BRF1: variants seen among roughly 807,000 people sequenced by gnomAD.
BRF1 encodes BRF1 general transcription factor IIIB subunit.
In BRF1, 59 loss-of-function variants were observed where a neutral mutation model predicts 81.7. That is an observed-to-expected ratio of 0.72 (90% CI 0.59 to 0.90). BRF1 has a LOEUF of 0.90. BRF1 is among the 40% of genes least tolerant of loss of function. The pLI is 0.00. For missense variants in BRF1, 1,050 were observed against 936.3 expected (o/e 1.12, Z -1.58); for synonymous variants, 491 against 395.6 (o/e 1.24, Z -2.86).
At chr14:105,258,640 A>C (rs2056005000) in intron 3 of BRF1, among the ~76,000 whole-genome samples, 1 of 151,530 alleles carries the variant, frequency 6.6e-6, no homozygotes, top group Non-Finnish European at 1.5e-5. Flanking sequence ...TCTACTAAAA[A>C]TACAAAAATT....
At chr14:105,247,780 T>G in intron 5 of BRF1, 1 of 985,556 alleles carries the variant, frequency 1.0e-6, no homozygotes, top group Non-Finnish European at 1.2e-6. Flanking sequence ...CCTCTGGAGC[T>G]TCGTCTGCAC....
chr14:105,297,734 C>T (rs781329364), intron 1 of BRF1, among the ~76,000 whole-genome samples: 1 of 152,204 alleles, frequency 6.6e-6, no homozygotes, highest in East Asian at 1.9e-4. Flanking sequence ...CAGTGGCTCA[C>T]GCTGGTAAAC....
chr14:105,226,834 G>C, intron 7 of BRF1, 74 bp from the exon 8 acceptor site: 2 of 1,603,328 alleles, frequency 1.2e-6, no homozygotes, highest in Non-Finnish European at 1.7e-6. Flanking sequence ...GCTTTCGCCT[G>C]GGCGTGGCTC....
intron 3 of BRF1, among the ~76,000 whole-genome samples, chr14:105,272,153 G>C (rs1428787559): frequency 3.4e-5 from 4 of 118,016 alleles, no homozygotes; most frequent in African/African-American, 1.2e-4. Context: ...CTGCGGTCAC[G>C]GTGTCCACAC....
At chr14:105,211,919 C>A (rs1890179107) in intron 16 of BRF1, 194 bp downstream of exon 16, 3 of 763,580 alleles carry the variant, frequency 3.9e-6, no homozygotes, top group Admixed American at 4.6e-5. Context: ...TTCCTGCCCG[C>A]TCCTGCTCCG....
chr14:105,223,209 C>A (rs930863935), intron 10 of BRF1, among the ~76,000 whole-genome samples: 1 of 152,152 alleles, frequency 6.6e-6, no homozygotes, highest in Admixed American at 6.6e-5. Flanking sequence ...CAAAAAAAGA[C>A]ATACACACTT....
chr14:105,226,351 T>TG (rs1434763713), intron 8 of BRF1, 61 bp from the exon 9 acceptor site: 3 of 1,608,176 alleles, frequency 1.9e-6, no homozygotes, highest in East Asian at 2.2e-5. Context: ...GCGCAGCCTC[T>TG]GGGGTGCCGC....
At chr14:105,250,532 G>A (rs1393102254) in intron 5 of BRF1, 18 of 1,613,966 alleles carry the variant, frequency 1.1e-5, no homozygotes, top group Non-Finnish European at 1.5e-5. Context: ...GGACGGCAGC[G>A]AACTCAGCTA....
upstream of BRF1, among the ~76,000 whole-genome samples, chr14:105,305,231 ACT>A (rs908394658): frequency 6.6e-6 from 1 of 151,980 alleles, no homozygotes; most frequent in African/African-American, 2.4e-5. Context: ...CAAAACCCTG[ACT>A]CTACAAAAAC....
At chr14:105,226,328 G>T in intron 8 of BRF1, 38 bp from the exon 9 acceptor site, 1 of 1,613,644 alleles carries the variant, frequency 6.2e-7, no homozygotes, top group Non-Finnish European at 8.5e-7. Flanking sequence ...GTGAAGGGAG[G>T]CCCTGGTGCA....
chr14:105,269,013 C>T lies in BRF1; in HGVS notation c.439+3708G>A, dbSNP rs955170787. 2.6e-5 allele frequency among the ~76,000 whole-genome samples: 4 copies of T among 152,122 alleles called. No individual in the cohort carries two copies. Among genetic ancestry groups the T allele is most frequent in the Non-Finnish European group, 4.4e-5 (3 of 68,008 alleles). On this transcript the variant is annotated intron_variant, in intron 3 of 17. Coordinates refer to ENST00000547530, the MANE Select transcript of BRF1 (RefSeq NM_001519.4). This position sits in a 1 kb window ranked among gnomAD's most constrained non-coding sequence, Gnocchi z 5.0. ...GCCAGCCAGCTGGGGCTGCAGGAGGCGAGGACAGTGGCCAGAGCCAATGCA... is the reference window on the plus strand; with the variant it reads ...GCCAGCCAGCTGGGGCTGCAGGAGGTGAGGACAGTGGCCAGAGCCAATGCA...
At chr14:105,296,639 C>A (rs1346608695) in intron 1 of BRF1, among the ~76,000 whole-genome samples, 14 of 150,550 alleles carry the variant, frequency 9.3e-5, no homozygotes, top group Non-Finnish European at 1.8e-4. Flanking sequence ...CAAGATGGTG[C>A]CACTGCACTC....
Position 105,220,771 on chromosome 14 carries a change from C to A in BRF1, c.1316-641G>T, listed in dbSNP as rs10400745. Among the ~76,000 whole-genome samples, 1,373 of 152,360 alleles carry A rather than the reference C, an allele frequency of 9.0e-3. 14 individuals carry two copies. Among genetic ancestry groups the A allele is most frequent in the African/African-American group, 0.03 (1,229 of 41,590 alleles). On this transcript the variant is annotated intron_variant, in intron 11 of 17. Coordinates refer to ENST00000547530, the MANE Select transcript of BRF1 (RefSeq NM_001519.4). The stretch of plus-strand genomic sequence containing the variant: ...TGCCAAGTCAACTCCAGCACAGGGC[C>A]AGACTGTCTGAGGTGCTCTCCTGCC...
At chr14:105,263,234 CAAAAAA>C (rs760613469) in intron 3 of BRF1, among the ~76,000 whole-genome samples, 2 of 83,556 alleles carry the variant, frequency 2.4e-5, no homozygotes, top group Non-Finnish European at 4.5e-5. Context: ...AAGACTCCAT[CAAAAAA>C]AAAAAAAAAA....
Position 105,209,509 on chromosome 14 carries a change from C to G in BRF1, c.*1042G>C, listed in dbSNP as rs968989406. 97 of 702,112 alleles carry G rather than the reference C, an allele frequency of 1.4e-4. No homozygotes were observed. The highest frequency in any genetic ancestry group is 2.2e-4 in the Admixed American group (11 of 49,972). 43.5% of individuals were successfully genotyped at this position (702,112 alleles called of 1,614,324 possible). The stretch of plus-strand genomic sequence containing the variant: ...CACGGCTCTGCCTCAAGGCCACCCC[C>G]TCCTAAGGACACAGGGTGAAGCCCC... On this transcript the variant is annotated 3_prime_UTR_variant, in exon 18 of 18. Coordinates refer to ENST00000547530, the MANE Select transcript of BRF1 (RefSeq NM_001519.4).
intron 1 of BRF1, among the ~76,000 whole-genome samples, chr14:105,308,066 T>G (rs747501628): frequency 1.3e-5 from 2 of 151,930 alleles, no homozygotes; most frequent in Non-Finnish European, 2.9e-5. Context: ...TGCCTCTAGT[T>G]CAGCTACTTG....
chr14:105,304,380 C>G (rs183197339), upstream of BRF1, among the ~76,000 whole-genome samples: 1 of 151,792 alleles, frequency 6.6e-6, no homozygotes, highest in Non-Finnish European at 1.5e-5. Context: ...TCCAGCTACT[C>G]GGGAGGCTGA....
chr14:105,255,717 C>G (rs2055834267), intron 4 of BRF1, among the ~76,000 whole-genome samples: 3 of 152,212 alleles, frequency 2.0e-5, no homozygotes, highest in Admixed American at 2.0e-4. Flanking sequence ...TCTTTCCACT[C>G]TGTCACTTTG....
At chr14:105,270,684 G>C (rs995102949) in intron 3 of BRF1, among the ~76,000 whole-genome samples, 1 of 151,832 alleles carries the variant, frequency 6.6e-6, no homozygotes, top group Non-Finnish European at 1.5e-5. Context: ...CCAGCTACTC[G>C]AGAGGCTAAG....
Sources: allele counts gnomAD v4.1 joint callset (sites outside exome capture counted in the v4.1 genomes callset), GRCh38; gene constraint gnomAD v4.1.1; non-coding constraint Gnocchi (gnomAD v3.1); transcripts MANE v1.5; gene names NCBI Gene and HGNC (gene_info 2026-07-23, HGNC 2026-07-21).